The following MSI2 variants were observed in gnomAD, a reference collection of about 807,000 sequenced individuals.
MSI2 encodes the protein musashi RNA binding protein 2.
MSI2 carries 17 observed loss-of-function variants against 45.6 expected under a neutral mutation model. That is an observed-to-expected ratio of 0.37 (90% confidence interval 0.26 to 0.56). The LOEUF is 0.56. Ranked by LOEUF, MSI2 falls within the 20% of genes least tolerant of loss-of-function variation. MSI2 has a pLI of 0.77. For synonymous variants in MSI2, 156 were observed against 158.2 expected, an observed-to-expected ratio of 0.99 and a Z score of 0.11; for missense variants, 293 against 444.2, an observed-to-expected ratio of 0.66 and a Z score of 3.06.
At chr17:57,461,443 A>G (rs527750982) in intron 6 of MSI2, among the ~76,000 whole-genome samples, 2 of 152,292 alleles carry the variant, frequency 1.3e-5, no homozygotes, top group African/African-American at 2.4e-5. Flanking sequence ...AATGAAGGGA[A>G]GCAGAGGGAA....
intron 6 of MSI2, among the ~76,000 whole-genome samples, chr17:57,402,364 G>GCC: frequency 6.6e-6 from 1 of 152,206 alleles, no homozygotes. Context: ...CATCGCGTGG[G>GCC]AGCCCAGGTC....
At position 57,329,209 on chromosome 17, in the gene MSI2, C is replaced by A. The variant is rs566667718; in HGVS notation, c.312+67017C>A. ...AGGGGTTTATTTGAATTTCTCCCTG[C>A]AAAACAGCTCTACATTTTGTAGAAA... On this transcript the variant is annotated intron_variant, in intron 5 of 13. Transcript: ENST00000284073. Among the ~76,000 whole-genome samples, 436 of 152,290 alleles carry A rather than the reference C, an allele frequency of 2.9e-3. 1 individual carries two copies. The highest frequency in any genetic ancestry group is 0.01 in the African/African-American group (421 of 41,556).
chr17:57,606,966 G>A (rs897823487), intron 8 of MSI2, among the ~76,000 whole-genome samples: 1 of 151,948 alleles, frequency 6.6e-6, no homozygotes, highest in Admixed American at 6.6e-5. Flanking sequence ...GTCTATGATT[G>A]GATTCTGACT....
At chr17:57,358,613 G>T (rs1252652350) in intron 5 of MSI2, among the ~76,000 whole-genome samples, 1 of 152,146 alleles carries the variant, frequency 6.6e-6, no homozygotes, top group Non-Finnish European at 1.5e-5. Flanking sequence ...AGGTTTGTTA[G>T]ATCAAAGCTT....
At chr17:57,687,007 C>G (rs191479164), downstream of MSI2, among the ~76,000 whole-genome samples, 4 of 145,734 alleles carry the variant, frequency 2.7e-5, no homozygotes, top group African/African-American at 9.9e-5. Flanking sequence ...GGCCAGCAGC[C>G]CCCCCCCCAA....
chr17:57,648,106 G>T (rs1910826705), intron 10 of MSI2, among the ~76,000 whole-genome samples: 1 of 150,128 alleles, frequency 6.7e-6, no homozygotes, highest in Admixed American at 6.7e-5. Flanking sequence ...GGGATTACAA[G>T]CATGCACCAC....
chr17:57,515,694 A>C (rs149487121), intron 6 of MSI2, among the ~76,000 whole-genome samples: 12 of 152,316 alleles, frequency 7.9e-5, no homozygotes, highest in African/African-American at 2.4e-4. Flanking sequence ...TCATGTATTC[A>C]TGTGACAGAA....
intron 10 of MSI2, among the ~76,000 whole-genome samples, chr17:57,637,350 G>A (rs1007975208): frequency 2.6e-5 from 4 of 152,156 alleles, no homozygotes; most frequent in Admixed American, 6.5e-5. Context: ...TTCCTCCCTC[G>A]GCGTGGAAAA....
chr17:57,284,641 G>A (rs1340246902), intron 5 of MSI2, among the ~76,000 whole-genome samples: 1 of 152,228 alleles, frequency 6.6e-6, no homozygotes, highest in Non-Finnish European at 1.5e-5. Flanking sequence ...AAATGTTGTA[G>A]GAGACTATTA....
chr17:57,384,602 A>C (rs192618694), intron 5 of MSI2, among the ~76,000 whole-genome samples: 11 of 152,354 alleles, frequency 7.2e-5, no homozygotes, highest in African/African-American at 2.6e-4. Flanking sequence ...GGGGAGGGAC[A>C]GAGACCAAGG....
chr17:57,441,966 G>A (rs747815201), intron 6 of MSI2, among the ~76,000 whole-genome samples: 8 of 152,120 alleles, frequency 5.3e-5, no homozygotes, highest in Non-Finnish European at 2.9e-5. Flanking sequence ...CTTCACCCTG[G>A]AGACCTCCCT....
intron 7 of MSI2, chr17:57,532,379 C>A (rs1383900137): frequency 1.3e-5 from 2 of 152,226 alleles, no homozygotes; most frequent in Non-Finnish European, 2.9e-5. Context: ...TCCCACTCTG[C>A]AATGTCGTTT....
At chr17:57,559,364 C>T (rs1206410437) in intron 7 of MSI2, among the ~76,000 whole-genome samples, 4 of 152,200 alleles carry the variant, frequency 2.6e-5, no homozygotes, top group Non-Finnish European at 4.4e-5. Context: ...CTGTCTCATC[C>T]GCTCCCGCCT....
intron 5 of MSI2, among the ~76,000 whole-genome samples, chr17:57,387,255 A>G (rs1170357527): frequency 6.6e-6 from 1 of 152,240 alleles, no homozygotes; most frequent in Non-Finnish European, 1.5e-5. Context: ...CTGTAACACT[A>G]CACATTTAGT....
intron 6 of MSI2, among the ~76,000 whole-genome samples, chr17:57,474,151 CCT>C (rs2085493474): frequency 6.6e-6 from 1 of 152,058 alleles, no homozygotes; most frequent in Non-Finnish European, 1.5e-5. Context: ...CTCCCTCTCT[CCT>C]CTTAAAAATG....
intron 6 of MSI2, among the ~76,000 whole-genome samples, chr17:57,435,251 G>T (rs2084670965): frequency 1.3e-5 from 2 of 152,164 alleles, no homozygotes; most frequent in Non-Finnish European, 2.9e-5. Context: ...GATATGGGAG[G>T]TAGTCATTCC....
chr17:57,323,628 G>A (rs915317360), intron 5 of MSI2, among the ~76,000 whole-genome samples: 10 of 152,260 alleles, frequency 6.6e-5, no homozygotes, highest in African/African-American at 1.9e-4. Flanking sequence ...GCCAAGCTCC[G>A]TGGAGGAGCA....
chr17:57,297,961 T>A (rs1359768311), intron 5 of MSI2, among the ~76,000 whole-genome samples: 1 of 152,230 alleles, frequency 6.6e-6, no homozygotes. Flanking sequence ...TGCAGTTATT[T>A]CCTGCACTGA....
chr17:57,673,421 G>A (rs983739258), intron 11 of MSI2, among the ~76,000 whole-genome samples: 21 of 152,198 alleles, frequency 1.4e-4, no homozygotes, highest in African/African-American at 5.1e-4. Context: ...GCAGAAGGGA[G>A]AAGTGATTGT....
Sources: allele counts gnomAD v4.1 joint callset (sites outside exome capture counted in the v4.1 genomes callset), GRCh38; gene constraint gnomAD v4.1.1; transcripts MANE v1.5; gene names NCBI Gene and HGNC (gene_info 2026-07-23, HGNC 2026-07-21).